Variants in RBFOX1 observed in about 807,000 individuals in gnomAD.
RBFOX1 encodes the protein RNA binding fox-1 homolog 1.
In RBFOX1, 8 loss-of-function variants were observed where a neutral mutation model predicts 57.7. That is an observed-to-expected ratio of 0.14 (90% CI 0.08 to 0.25). RBFOX1 has a LOEUF of 0.25. Ranked by LOEUF, RBFOX1 falls within the 10% of genes least tolerant of loss-of-function variation. The pLI is 1.00. For missense variants in RBFOX1, 611 were observed against 548.5 expected (o/e 1.11, Z -1.14); for synonymous variants, 326 against 222.4 (o/e 1.47, Z -4.15).
chr16:5,909,043 T>C (rs1029256990), intron 4 of RBFOX1, among the ~76,000 whole-genome samples: 2 of 151,764 alleles, frequency 1.3e-5, no homozygotes, highest in African/African-American at 4.8e-5. Flanking sequence ...TATAAACCAC[T>C]TAGTTCATGG....
intron 2 of RBFOX1, among the ~76,000 whole-genome samples, chr16:6,574,220 T>C (rs1391499145): frequency 6.6e-6 from 1 of 152,020 alleles, no homozygotes; most frequent in Non-Finnish European, 1.5e-5. Flanking sequence ...TTTTCTTATC[T>C]GTAAAGTGGG....
Position 5,489,423 on chromosome 16 carries a change from G to A in RBFOX1, c.258+22169G>A, listed in dbSNP as rs926775295. Among the ~76,000 whole-genome samples, 3 of 152,188 alleles carry A rather than the reference G, an allele frequency of 2.0e-5. No homozygotes were observed. The East Asian group carries it at 5.8e-4, about 29-fold the overall frequency. ...GTTTAAGTTCTGATCAGCCAGGTAG[G>A]TTAAAAGAACAGTTCTGAAACTGGA... On this transcript the variant is annotated intron_variant, in intron 2 of 2. Transcript: ENST00000585867.
At chr16:6,900,786 A>G (rs138916516) in intron 3 of RBFOX1, among the ~76,000 whole-genome samples, 11 of 152,184 alleles carry the variant, frequency 7.2e-5, no homozygotes, top group East Asian at 5.8e-4. Context: ...CTCTTCCTTC[A>G]CAGCACACAA....
intron 1 of RBFOX1, among the ~76,000 whole-genome samples, chr16:5,444,511 C>A (rs138805421): frequency 2.6e-5 from 4 of 152,150 alleles, no homozygotes; most frequent in African/African-American, 9.7e-5. Context: ...GTCAGCTCTG[C>A]GGAACTGGCC....
chr16:5,626,666 A>G (rs532877561), intron 3 of RBFOX1, among the ~76,000 whole-genome samples: 1 of 152,238 alleles, frequency 6.6e-6, no homozygotes, highest in Admixed American at 6.5e-5. Flanking sequence ...GAGCTCCGAT[A>G]TTCATCAGTT....
At chr16:7,472,931 G>T (rs374783513) in intron 4 of RBFOX1, among the ~76,000 whole-genome samples, 1 of 152,152 alleles carries the variant, frequency 6.6e-6, no homozygotes, top group Non-Finnish European at 1.5e-5. Context: ...AGGTTTAGAC[G>T]TCTGAAAAAC....
In RBFOX1 at chr16:7,557,121, T is replaced by C. The variant is rs1256296189; in HGVS notation, c.271-22656T>C. On this transcript the variant is annotated intron_variant, in intron 5 of 15. Coordinates refer to ENST00000550418, the MANE Select transcript of RBFOX1 (RefSeq NM_018723.4). ...CAGAGCGAGTATTATAAACCCATTTTACAGATGAGGGAACTGAGGTACCAT... is the reference window on the plus strand; with the variant it reads ...CAGAGCGAGTATTATAAACCCATTTCACAGATGAGGGAACTGAGGTACCAT... Among the ~76,000 whole-genome samples, 4 of 152,286 alleles carry C rather than the reference T, an allele frequency of 2.6e-5. No individual in the cohort carries two copies. The East Asian group carries it at 7.7e-4, about 29-fold the overall frequency.
At chr16:5,468,487 GT>G (rs2069024107) in intron 2 of RBFOX1, among the ~76,000 whole-genome samples, 1 of 152,108 alleles carries the variant, frequency 6.6e-6, no homozygotes, top group Admixed American at 6.5e-5. Flanking sequence ...CAAGAAAACA[GT>G]TTGGCAGTTC....
intron 2 of RBFOX1, among the ~76,000 whole-genome samples, chr16:6,539,213 G>A (rs1488936808): frequency 2.0e-5 from 3 of 152,108 alleles, no homozygotes; most frequent in Non-Finnish European, 4.4e-5. Flanking sequence ...TATGATGGAG[G>A]CACTTATAGG....
chr16:6,746,765 A>T (rs945203081), intron 3 of RBFOX1, among the ~76,000 whole-genome samples: 1 of 152,130 alleles, frequency 6.6e-6, no homozygotes, highest in South Asian at 2.1e-4. Flanking sequence ...TGAAATATTG[A>T]TACATATAAT....
intron 3 of RBFOX1, among the ~76,000 whole-genome samples, chr16:6,755,103 A>G (rs182308765): frequency 6.6e-6 from 1 of 152,242 alleles, no homozygotes; most frequent in East Asian, 1.9e-4. Flanking sequence ...CCAGTCTATC[A>G]TTGTTGGACA....
At chr16:6,130,149 T>G (rs1368582302) in intron 1 of RBFOX1, among the ~76,000 whole-genome samples, 2 of 152,114 alleles carry the variant, frequency 1.3e-5, no homozygotes, top group African/African-American at 2.4e-5. Context: ...TGCTTTCACT[T>G]CTCTTAATTT....
In RBFOX1 at chr16:6,376,464, C is replaced by A. The variant is rs186328465; in HGVS notation, c.-64+59407C>A. Among the ~76,000 whole-genome samples, 388 of 152,322 alleles carry A rather than the reference C, an allele frequency of 2.5e-3. 2 individuals carry two copies. Among genetic ancestry groups the A allele is most frequent in the Non-Finnish European group, 3.8e-3 (256 of 68,034 alleles). ...CTGAAGGCATTAAGGGTGAATCCTT[C>A]GTTGCCTTTTCCAGTTTCTGGTAGT... On this transcript the variant is annotated intron_variant, in intron 2 of 15. Transcript: ENST00000550418.
At chr16:7,654,024 G>A (rs1040318099) in intron 12 of RBFOX1, 77 bp downstream of exon 12, 9 of 1,410,140 alleles carry the variant, frequency 6.4e-6, no homozygotes, top group South Asian at 4.5e-5. Flanking sequence ...GTTTGCGAGC[G>A]CATGATGGTC....
intron 3 of RBFOX1, among the ~76,000 whole-genome samples, chr16:7,039,200 C>G (rs997308583): frequency 1.3e-5 from 2 of 152,168 alleles, no homozygotes; most frequent in Non-Finnish European, 2.9e-5. Context: ...TATGTTAGAG[C>G]TTTCAGCATT....
In RBFOX1 at chr16:5,635,802, T is replaced by TC. The variant is rs1442082373; in HGVS notation, c.318+36841_318+36842insC. Among the ~76,000 whole-genome samples, 5 of 125,296 alleles carry TC rather than the reference T, an allele frequency of 4.0e-5. No individual in the cohort carries two copies. In the East Asian group the frequency reaches 1.1e-3, roughly 28 times the overall value. 82.2% of individuals were successfully genotyped at this position (125,296 alleles called of 152,430 possible). A position where few individuals can be genotyped will look rare whatever the true frequency, so the allele number is the denominator to read the frequency against. ...CTCAGATCCTGTTGATTTGTAGCACTGGGTTTTTTTTGGAGGATTTTTATC... is the reference window on the plus strand; with the variant it reads ...CTCAGATCCTGTTGATTTGTAGCACTCGGGTTTTTTTTGGAGGATTTTTATC... On this transcript the variant is annotated intron_variant, in intron 3 of 19. Coordinates refer to the RBFOX1 transcript ENST00000641259.
chr16:5,293,418 T>G (rs2151179873), intron 1 of RBFOX1, among the ~76,000 whole-genome samples: 1 of 152,298 alleles, frequency 6.6e-6, no homozygotes, highest in Admixed American at 6.5e-5. Context: ...GCCCTGGCTG[T>G]CTTATTTCAT....
chr16:6,072,673 G>T (rs924493868), intron 1 of RBFOX1, among the ~76,000 whole-genome samples: 1 of 151,578 alleles, frequency 6.6e-6, no homozygotes, highest in Non-Finnish European at 1.5e-5. Flanking sequence ...CAGGTATGGG[G>T]TGGTATTTCA....
chr16:5,742,135 C>A (rs916497373), intron 3 of RBFOX1, among the ~76,000 whole-genome samples: 2 of 152,228 alleles, frequency 1.3e-5, no homozygotes, highest in African/African-American at 2.4e-5. Context: ...ATGGAACTTA[C>A]ATTTTTCCAT....
Sources: allele counts gnomAD v4.1 joint callset (sites outside exome capture counted in the v4.1 genomes callset), GRCh38; gene constraint gnomAD v4.1.1; transcripts MANE v1.5; gene names NCBI Gene and HGNC (gene_info 2026-07-23, HGNC 2026-07-21).